Variants in SGCZ observed in about 807,000 individuals in gnomAD.
The protein encoded by SGCZ is sarcoglycan zeta.
A neutral mutation model predicts 41.3 loss-of-function variants in SGCZ; 40 were observed. The observed-to-expected ratio is 0.97, with a 90% CI of 0.75 to 1.26. SGCZ has a LOEUF of 1.26. SGCZ is among the 50% of genes most tolerant of loss of function. The probability of loss-of-function intolerance (pLI) is 0.00; values close to 1 mark genes in which losing one functional copy is unlikely to be tolerated. For synonymous variants in SGCZ, 206 were observed against 137.5 expected (o/e 1.50, Z -3.49); for missense variants, 552 against 369.8 (o/e 1.49, Z -4.04).
intron 3 of SGCZ, among the ~76,000 whole-genome samples, chr8:14,253,651 T>C (rs577804748): frequency 6.6e-6 from 1 of 152,226 alleles, no homozygotes; most frequent in East Asian, 1.9e-4. Flanking sequence ...CTAGTAAATT[T>C]GCAGACTCTG....
At chr8:14,331,398 T>G (rs1395109880) in intron 2 of SGCZ, among the ~76,000 whole-genome samples, 1 of 152,126 alleles carries the variant, frequency 6.6e-6, no homozygotes, top group African/African-American at 2.4e-5. Context: ...TACTTTATAC[T>G]GAGCTGTTTT....
At chr8:14,920,702 T>A (rs1799563795) in intron 1 of SGCZ, among the ~76,000 whole-genome samples, 1 of 152,168 alleles carries the variant, frequency 6.6e-6, no homozygotes. Flanking sequence ...TATTATAGAC[T>A]TTCCCTAAAA....
At chr8:14,432,732 G>A (rs1356714468) in intron 2 of SGCZ, among the ~76,000 whole-genome samples, 1 of 151,914 alleles carries the variant, frequency 6.6e-6, no homozygotes, top group Non-Finnish European at 1.5e-5. Flanking sequence ...TGGCCAACGT[G>A]GTGAAACTCT....
intron 1 of SGCZ, among the ~76,000 whole-genome samples, chr8:15,071,672 T>C (rs1401313270): frequency 6.6e-6 from 1 of 152,202 alleles, no homozygotes; most frequent in East Asian, 1.9e-4. Flanking sequence ...TGAAATGTAA[T>C]GGTGTAATTT....
At chr8:15,103,676 G>C (rs1274477992) in intron 1 of SGCZ, among the ~76,000 whole-genome samples, 2 of 151,916 alleles carry the variant, frequency 1.3e-5, no homozygotes, top group African/African-American at 4.8e-5. Flanking sequence ...TTGAAATTAA[G>C]GAAGAAGAAT....
chr8:15,198,681 C>T (rs1257978491), intron 1 of SGCZ, among the ~76,000 whole-genome samples: 2 of 152,176 alleles, frequency 1.3e-5, no homozygotes, highest in Non-Finnish European at 2.9e-5. Context: ...ACAACAGCTA[C>T]ATTAATGGCT....
At chr8:14,442,516 C>T (rs1218574765) in intron 2 of SGCZ, among the ~76,000 whole-genome samples, 1 of 152,096 alleles carries the variant, frequency 6.6e-6, no homozygotes, top group Non-Finnish European at 1.5e-5. Flanking sequence ...TTCTTAATGC[C>T]TATGTTTCTT....
intron 3 of SGCZ, among the ~76,000 whole-genome samples, chr8:14,263,083 A>C (rs1799730701): frequency 6.6e-6 from 1 of 152,322 alleles, no homozygotes; most frequent in African/African-American, 2.4e-5. Flanking sequence ...TTTCTGCATT[A>C]GTTTTTGTTT....
At chr8:14,794,940 T>C (rs1801076464) in intron 1 of SGCZ, among the ~76,000 whole-genome samples, 2 of 152,284 alleles carry the variant, frequency 1.3e-5, no homozygotes, top group South Asian at 2.1e-4. Context: ...TCCAGATAAA[T>C]TATCAGCAGA....
At chr8:15,211,404 G>A (rs1391599543) in intron 1 of SGCZ, among the ~76,000 whole-genome samples, 1 of 151,258 alleles carries the variant, frequency 6.6e-6, no homozygotes, top group Non-Finnish European at 1.5e-5. Flanking sequence ...TTTTCTCATT[G>A]TCCATACAAC....
chr8:15,161,915 G>A (rs1799522426), intron 1 of SGCZ, among the ~76,000 whole-genome samples: 1 of 152,074 alleles, frequency 6.6e-6, no homozygotes, highest in Non-Finnish European at 1.5e-5. Context: ...CACACCTGTA[G>A]TCCCAGCTAC....
chr8:14,640,485 G>A (rs1806984658), intron 1 of SGCZ, among the ~76,000 whole-genome samples: 1 of 151,626 alleles, frequency 6.6e-6, no homozygotes, highest in African/African-American at 2.4e-5. Context: ...CTGGAATTAA[G>A]ATTTTCCTCT....
At chr8:14,247,386 G>C (rs1799140019) in intron 3 of SGCZ, among the ~76,000 whole-genome samples, 1 of 152,124 alleles carries the variant, frequency 6.6e-6, no homozygotes, top group Non-Finnish European at 1.5e-5. Context: ...CCAGAATGAT[G>C]CTGCAGGGAG....
intron 4 of SGCZ, among the ~76,000 whole-genome samples, chr8:14,220,769 A>G (rs112722443): frequency 5.8e-5 from 8 of 137,900 alleles, no homozygotes; most frequent in African/African-American, 2.2e-4. Flanking sequence ...CCTGGGCGAC[A>G]GAGGGATACT....
chr8:14,663,103 T>G (rs900031224), intron 1 of SGCZ, among the ~76,000 whole-genome samples: 6 of 152,174 alleles, frequency 3.9e-5, no homozygotes, highest in Admixed American at 3.9e-4. Context: ...CCTATAAAAC[T>G]ATAACATTGG....
chr8:14,250,670 T>C (rs1004732043), intron 3 of SGCZ, among the ~76,000 whole-genome samples: 1 of 152,168 alleles, frequency 6.6e-6, no homozygotes, highest in Non-Finnish European at 1.5e-5. Flanking sequence ...ATATAATTTT[T>C]GTATTTGAGT....
At chr8:14,377,373 C>G (rs896904794) in intron 2 of SGCZ, among the ~76,000 whole-genome samples, 1 of 152,064 alleles carries the variant, frequency 6.6e-6, no homozygotes, top group Non-Finnish European at 1.5e-5. Context: ...CTTCATTTGG[C>G]TGTTCCTGAG....
At chr8:14,928,216 G>A (rs754590582) in intron 1 of SGCZ, among the ~76,000 whole-genome samples, 26 of 152,194 alleles carry the variant, frequency 1.7e-4, no homozygotes, top group Admixed American at 2.0e-4. Context: ...ATTCAAGAAT[G>A]AAGACTGATT....
At chr8:14,371,194 C>T (rs938131692) in intron 2 of SGCZ, among the ~76,000 whole-genome samples, 1 of 151,944 alleles carries the variant, frequency 6.6e-6, no homozygotes, top group African/African-American at 2.4e-5. Context: ...ACTCTGCCTT[C>T]AAAGAATCCA....
Sources: gnomAD v4.1 joint callset for allele counts (sites outside exome capture counted in the v4.1 genomes callset) on GRCh38, gnomAD v4.1.1 for gene constraint, MANE v1.5 for transcripts, NCBI Gene and HGNC (gene_info 2026-07-23, HGNC 2026-07-21) for gene names.